CSMD1: variants seen among roughly 807,000 people sequenced by gnomAD.
CSMD1 encodes the protein CUB and Sushi multiple domains 1.
CSMD1 carries 213 observed loss-of-function variants against 417.5 expected under a neutral mutation model. That is an observed-to-expected ratio of 0.51 (90% CI 0.46 to 0.57). The LOEUF is 0.57. CSMD1 is among the 20% of genes least tolerant of loss of function. CSMD1 has a pLI of 0.00. For synonymous variants in CSMD1, 2,862 were observed against 1,736.8 expected (o/e 1.65, Z -16.11); for missense variants, 6,923 against 4,529.7 (o/e 1.53, Z -15.17).
At chr8:3,060,899 C>G (rs937210793) in intron 49 of CSMD1, among the ~76,000 whole-genome samples, 6 of 152,156 alleles carry the variant, frequency 3.9e-5, no homozygotes, top group African/African-American at 7.2e-5. Context: ...ATTCCTCTCT[C>G]CGGAGGAGAG....
chr8:4,920,631 G>A (rs571180308), intron 1 of CSMD1, among the ~76,000 whole-genome samples: 14 of 151,952 alleles, frequency 9.2e-5, no homozygotes, highest in African/African-American at 3.4e-4. Flanking sequence ...AGACCAGCCT[G>A]ACCTACATGG....
At chr8:3,616,649 G>C in intron 8 of CSMD1, 61 bp downstream of exon 8, 1 of 1,083,686 alleles carries the variant, frequency 9.2e-7, no homozygotes. Context: ...TTAACTGCAA[G>C]CTGAAATAAT....
chr8:3,384,574 G>C (rs893067056), intron 18 of CSMD1, among the ~76,000 whole-genome samples: 2 of 148,222 alleles, frequency 1.3e-5, no homozygotes, highest in Non-Finnish European at 3.0e-5. Flanking sequence ...AATATATTTC[G>C]TATCCATTTG....
intron 3 of CSMD1, among the ~76,000 whole-genome samples, chr8:4,371,890 G>C (rs969680162): frequency 1.3e-5 from 2 of 152,248 alleles, no homozygotes; most frequent in Non-Finnish European, 2.9e-5. Flanking sequence ...TGGAGGCCAT[G>C]CAAGTTAAGA....
At chr8:4,598,379 C>T (rs1800393658) in intron 2 of CSMD1, among the ~76,000 whole-genome samples, 1 of 152,160 alleles carries the variant, frequency 6.6e-6, no homozygotes, top group South Asian at 2.1e-4. Context: ...TAGATATTAG[C>T]TCTAACAGGT....
chr8:3,863,286 A>G (rs772532645), intron 5 of CSMD1, among the ~76,000 whole-genome samples: 51 of 151,794 alleles, frequency 3.4e-4, no homozygotes, highest in Non-Finnish European at 6.5e-4. Context: ...AATCTCAGCT[A>G]CTCAGGAGGC....
intron 5 of CSMD1, among the ~76,000 whole-genome samples, chr8:3,796,116 C>T (rs868174857): frequency 1.2e-4 from 1 of 8,280 alleles, no homozygotes; most frequent in Non-Finnish European, 2.5e-4. Context: ...ATATATCTAT[C>T]ATAGATATAG....
intron 3 of CSMD1, among the ~76,000 whole-genome samples, chr8:4,193,586 A>G (rs143523801): frequency 6.6e-6 from 1 of 152,218 alleles, no homozygotes; most frequent in African/African-American, 2.4e-5. Context: ...GAGGCAGAGG[A>G]TGAGGGTCCC....
Position 3,951,661 on chromosome 8 carries a change from A to AT in CSMD1, c.818+46241dup, listed in dbSNP as rs796126346. 2.0e-5 allele frequency among the ~76,000 whole-genome samples: 3 copies of AT among 152,334 alleles called. No homozygotes were observed. The South Asian group carries it at 6.2e-4, about 32-fold the overall frequency. ...GAAGAAAGGTTAAAATTTTTTAAAAATTAAAAAATAAACATTTGCAGATAT... is the reference window on the plus strand; with the variant it reads ...GAAGAAAGGTTAAAATTTTTTAAAAATTTAAAAAATAAACATTTGCAGATAT... On this transcript the variant is annotated intron_variant, in intron 5 of 69. Transcript: ENST00000635120.
chr8:3,173,976 T>C lies in CSMD1; in HGVS notation c.5725+7134A>G, dbSNP rs115073449. 1.3e-3 allele frequency among the ~76,000 whole-genome samples: 202 copies of C among 152,286 alleles called. 1 individual carries two copies. The highest frequency in any genetic ancestry group is 4.6e-3 in the African/African-American group (193 of 41,562). ...AGGACATAAGGCATTTTCCAGAATT[T>C]TAATCCTCATTTAGATACTTCCTTC... On this transcript the variant is annotated intron_variant, in intron 37 of 69. Transcript: ENST00000635120.
rs183828316 is a variant in CSMD1 at position 4,025,869 on chromosome 8, G to C, written c.610+6036C>G. ...ATACAGTTATACCTTTTTCTTTAAAGAACATCACGGCTACATATATAATAC... is the reference window on the plus strand; with the variant it reads ...ATACAGTTATACCTTTTTCTTTAAACAACATCACGGCTACATATATAATAC... On this transcript the variant is annotated intron_variant, in intron 4 of 69. Transcript: ENST00000635120. 2.7e-3 allele frequency among the ~76,000 whole-genome samples: 413 copies of C among 152,040 alleles called. 1 individual carries two copies. The highest frequency in any genetic ancestry group is 9.7e-3 in the African/African-American group (401 of 41,490).
At chr8:4,158,197 C>T (rs144708533) in intron 3 of CSMD1, among the ~76,000 whole-genome samples, 1 of 151,806 alleles carries the variant, frequency 6.6e-6, no homozygotes, top group African/African-American at 2.4e-5. Flanking sequence ...TTCCTAAGCC[C>T]AGACATACTT....
intron 3 of CSMD1, among the ~76,000 whole-genome samples, chr8:4,309,245 T>C (rs1308076007): frequency 8.5e-5 from 13 of 152,102 alleles, no homozygotes; most frequent in Admixed American, 5.2e-4. Flanking sequence ...CCCATAATTT[T>C]AATTAATTCA....
intron 24 of CSMD1, 52 bp downstream of exon 24, chr8:3,308,260 A>T: frequency 7.1e-7 from 1 of 1,412,420 alleles, no homozygotes; most frequent in Non-Finnish European, 9.8e-7. Context: ...ACATGGTGCA[A>T]GCACCCTAAG....
chr8:4,831,814 C>G (rs1046572724), intron 1 of CSMD1, among the ~76,000 whole-genome samples: 1 of 151,990 alleles, frequency 6.6e-6, no homozygotes, highest in Non-Finnish European at 1.5e-5. Context: ...GCATCTCCCA[C>G]CCCCTCCCCT....
intron 7 of CSMD1, among the ~76,000 whole-genome samples, chr8:3,673,292 T>G (rs1799180107): frequency 6.6e-6 from 1 of 152,186 alleles, no homozygotes; most frequent in Non-Finnish European, 1.5e-5. Flanking sequence ...ATCCGTATCC[T>G]CTACAAGCCT....
intron 8 of CSMD1, among the ~76,000 whole-genome samples, chr8:3,601,893 T>C (rs988215203): frequency 6.6e-6 from 1 of 152,142 alleles, no homozygotes; most frequent in African/African-American, 2.4e-5. Context: ...TGTTCACAGA[T>C]CTGCCCTAGA....
At chr8:3,185,499 T>A (rs1821693004) in intron 36 of CSMD1, among the ~76,000 whole-genome samples, 1 of 152,210 alleles carries the variant, frequency 6.6e-6, no homozygotes, top group South Asian at 2.1e-4. Flanking sequence ...GTCACAGATT[T>A]ATGACTGAGA....
At chr8:3,490,905 A>G (rs967884889) in intron 11 of CSMD1, among the ~76,000 whole-genome samples, 1 of 152,200 alleles carries the variant, frequency 6.6e-6, no homozygotes, top group Non-Finnish European at 1.5e-5. Flanking sequence ...TTGTCAACAA[A>G]AAAGAGTCAT....
Sources: gnomAD v4.1 joint callset for allele counts (sites outside exome capture counted in the v4.1 genomes callset) on GRCh38, gnomAD v4.1.1 for gene constraint, MANE v1.5 for transcripts, NCBI Gene and HGNC (gene_info 2026-07-23, HGNC 2026-07-21) for gene names.